Variants in PTPRN2 observed in about 807,000 individuals in gnomAD.
PTPRN2 encodes the protein protein tyrosine phosphatase receptor type N2.
Under a neutral mutation model 118.8 loss-of-function variants are expected in PTPRN2, and 74 were observed. The observed-to-expected ratio is 0.62, with a 90% CI of 0.52 to 0.76. The LOEUF (loss-of-function observed/expected upper bound fraction) is 0.76. Among genes scored for constraint, PTPRN2 ranks in the 30% least tolerant of loss-of-function variants. PTPRN2 has a pLI of 0.00. For missense variants in PTPRN2, 1,481 were observed against 1,394.4 expected, an observed-to-expected ratio of 1.06 and a Z score of -0.99; for synonymous variants, 641 against 608.0, an observed-to-expected ratio of 1.05 and a Z score of -0.80.
intron 22 of PTPRN2, among the ~76,000 whole-genome samples, chr7:157,548,341 C>T (rs937153584): frequency 1.2e-4 from 18 of 152,274 alleles, no homozygotes; most frequent in Middle Eastern, 3.4e-3. Context: ...ACAGAGAGGG[C>T]GAAATGAAAC....
rs369368801 is a variant in PTPRN2, at chr7:157,714,687, C to T, written c.1789-31750G>A. On this transcript the variant is annotated intron_variant, in intron 12 of 22. Transcript: ENST00000389418. Reference sequence around the variant, plus strand: ...CCTGAAGTCAGGGATCCCTGGGGAACGATGCCCAGTCCGACGTGCTTCTCC... The same window carrying T: ...CCTGAAGTCAGGGATCCCTGGGGAATGATGCCCAGTCCGACGTGCTTCTCC... Among the ~76,000 whole-genome samples the T allele has an allele frequency of 3.2e-4, 48 of 152,344 alleles. 1 individual carries two copies. The highest frequency in any genetic ancestry group is 1.0e-3 in the African/African-American group (42 of 41,572).
At chr7:158,144,940 G>A (rs567683762) in intron 6 of PTPRN2, among the ~76,000 whole-genome samples, 4 of 150,990 alleles carry the variant, frequency 2.6e-5, no homozygotes, top group East Asian at 1.9e-4. Flanking sequence ...AGAATGCCAC[G>A]GCTCGGCAAG....
At chr7:157,697,034 C>T (rs1337153730) in intron 12 of PTPRN2, among the ~76,000 whole-genome samples, 5 of 52,592 alleles carry the variant, frequency 9.5e-5, no homozygotes, top group Admixed American at 4.3e-4. Context: ...TGGTTCTTGG[C>T]AGAGCCCTCA....
chr7:158,569,755 G>T (rs1268923218), intron 1 of PTPRN2, among the ~76,000 whole-genome samples: 6 of 140,350 alleles, frequency 4.3e-5, no homozygotes, highest in Admixed American at 4.2e-4. Context: ...GCGCGAGGCC[G>T]CCTGACTGAC....
chr7:158,333,356 C>T (rs1454618131), intron 2 of PTPRN2, among the ~76,000 whole-genome samples: 34 of 140,330 alleles, frequency 2.4e-4, no homozygotes, highest in Admixed American at 8.3e-4. Flanking sequence ...CACCTGCAGA[C>T]GTCACTCACA....
chr7:158,280,289 T>A (rs1443805266), intron 3 of PTPRN2, among the ~76,000 whole-genome samples: 9 of 152,074 alleles, frequency 5.9e-5, no homozygotes, highest in Non-Finnish European at 1.2e-4. Context: ...GCAGCAGCCA[T>A]GAGAAGGTGG....
intron 6 of PTPRN2, among the ~76,000 whole-genome samples, chr7:158,140,353 C>G (rs932984741): frequency 2.2e-4 from 34 of 152,168 alleles, no homozygotes; most frequent in African/African-American, 8.0e-4. Flanking sequence ...AAATTGGACT[C>G]GTAAGTATTT....
intron 5 of PTPRN2, among the ~76,000 whole-genome samples, chr7:158,178,573 A>G (rs1256334533): frequency 7.1e-6 from 1 of 141,658 alleles, no homozygotes; most frequent in African/African-American, 2.6e-5. Context: ...GTGTATATAT[A>G]TACTACATTT....
chr7:158,570,161 C>A lies in PTPRN2; in HGVS notation c.112+17397G>T, dbSNP rs1184062382. On this transcript the variant is annotated intron_variant, in intron 1 of 22. Transcript: ENST00000389418. The surrounding 1 kb of genome is among the most constrained non-coding windows in gnomAD (Gnocchi z 4.5). The stretch of plus-strand genomic sequence containing the variant: ...GGAGCCGTCTCCAACCCCTGCAGGC[C>A]GACCTGGGCAGCCAGGCGGGGAGCG... Among the ~76,000 whole-genome samples the A allele has an allele frequency of 1.3e-5, 2 of 152,176 alleles. No homozygotes were observed. The highest frequency in any genetic ancestry group is 4.8e-5 in the African/African-American group (2 of 41,466).
At chr7:158,374,591 A>G (rs1182061765) in intron 2 of PTPRN2, among the ~76,000 whole-genome samples, 4 of 152,248 alleles carry the variant, frequency 2.6e-5, no homozygotes, top group African/African-American at 9.6e-5. Flanking sequence ...GCCCGTCAAC[A>G]GGAAAGTGGG....
At chr7:157,542,510 C>G (rs905340784) in intron 22 of PTPRN2, among the ~76,000 whole-genome samples, 16 of 152,026 alleles carry the variant, frequency 1.1e-4, no homozygotes, top group Non-Finnish European at 5.9e-5. Context: ...ACCCCCAGGG[C>G]CAGTGCTAAT....
intron 2 of PTPRN2, among the ~76,000 whole-genome samples, chr7:158,424,111 A>C (rs950623556): frequency 6.6e-6 from 1 of 152,186 alleles, no homozygotes; most frequent in Non-Finnish European, 1.5e-5. Flanking sequence ...TGATTTCTCC[A>C]GGGTGGACAC....
At chr7:158,567,354 C>G (rs1460460930) in intron 1 of PTPRN2, among the ~76,000 whole-genome samples, 1 of 152,212 alleles carries the variant, frequency 6.6e-6, no homozygotes, top group Non-Finnish European at 1.5e-5. Flanking sequence ...ACAAACAGGC[C>G]TGACGAGGCC....
At chr7:158,542,768 A>ACCAGG (rs1826063913) in intron 1 of PTPRN2, among the ~76,000 whole-genome samples, 1 of 152,238 alleles carries the variant, frequency 6.6e-6, no homozygotes, top group Non-Finnish European at 1.5e-5. Context: ...GTCAACAGCA[A>ACCAGG]GTCCATGTCC....
Position 157,815,641 on chromosome 7 carries a change from G to A in PTPRN2, c.1788+83032C>T, listed in dbSNP as rs977006834. Reference sequence around the variant, plus strand: ...CTGGCATCCTTTTAAAGGGACATTCGGATGCAGACAGGCACTCATGGGGGT... The same window carrying A: ...CTGGCATCCTTTTAAAGGGACATTCAGATGCAGACAGGCACTCATGGGGGT... On this transcript the variant is annotated intron_variant, in intron 12 of 22. Transcript: ENST00000389418. Among the ~76,000 whole-genome samples, 6 of 152,292 alleles carry A rather than the reference G, an allele frequency of 3.9e-5. 1 individual carries two copies. Among genetic ancestry groups the A allele is most frequent in the Admixed American group, 3.3e-4 (5 of 15,308 alleles).
At position 157,676,287 on chromosome 7, in the gene PTPRN2, C is replaced by T. The variant is rs1189965470; in HGVS notation, c.2001+6438G>A. On this transcript the variant is annotated intron_variant, in intron 13 of 22. Coordinates refer to ENST00000389418, the MANE Select transcript of PTPRN2 (RefSeq NM_002847.5). The surrounding 1 kb of genome is among the most constrained non-coding windows in gnomAD (Gnocchi z 5.6). ...CCTGCAGATGGCTCCAGCACCTGCCCCAGCCACGCCTCCATCTCCCGCCAG... is the reference window on the plus strand; with the variant it reads ...CCTGCAGATGGCTCCAGCACCTGCCTCAGCCACGCCTCCATCTCCCGCCAG... Among the ~76,000 whole-genome samples, 4 of 152,224 alleles carry T rather than the reference C, an allele frequency of 2.6e-5. No homozygotes were observed. Among genetic ancestry groups the T allele is most frequent in the Middle Eastern group, 3.4e-3 (1 of 292 alleles).
In PTPRN2 at chr7:157,596,702, G is replaced by C. The variant is rs1563246752; in HGVS notation, c.2419-1387C>G. ...GCATCTGCAGAGACCGACCCCCGGAGAGCCGGATGCTGCGCTGGGGGAACC... is the reference window on the plus strand; with the variant it reads ...GCATCTGCAGAGACCGACCCCCGGACAGCCGGATGCTGCGCTGGGGGAACC... On this transcript the variant is annotated intron_variant, in intron 16 of 22. Transcript: ENST00000389418. This position sits in a 1 kb window ranked among gnomAD's most constrained non-coding sequence, Gnocchi z 4.2. Among the ~76,000 whole-genome samples the C allele has an allele frequency of 6.6e-6, 1 of 152,210 alleles. No individual in the cohort carries two copies. Among genetic ancestry groups the C allele is most frequent in the Non-Finnish European group, 1.5e-5 (1 of 68,026 alleles).
intron 6 of PTPRN2, among the ~76,000 whole-genome samples, chr7:158,151,024 G>C (rs1297873171): frequency 6.9e-6 from 1 of 145,436 alleles, no homozygotes; most frequent in Non-Finnish European, 1.5e-5. Flanking sequence ...GGGAAGCCAG[G>C]CCCTGTCACT....
chr7:158,033,168 T>C (rs73171519), intron 11 of PTPRN2, among the ~76,000 whole-genome samples: 11,363 of 84,786 alleles, frequency 0.13, 503 homozygotes, highest in African/African-American at 0.24. Context: ...ACAGAGCCAT[T>C]GGGGGCCACG....
Sources: gnomAD v4.1 joint callset for allele counts (sites outside exome capture counted in the v4.1 genomes callset) on GRCh38, gnomAD v4.1.1 for gene constraint, Gnocchi (gnomAD v3.1) non-coding constraint, MANE v1.5 for transcripts, NCBI Gene and HGNC (gene_info 2026-07-23, HGNC 2026-07-21) for gene names.